The following BAG3 variants were observed in gnomAD, a reference collection of about 807,000 sequenced individuals.
BAG3 encodes the protein BAG cochaperone 3.
BAG3 carries 14 observed loss-of-function variants against 40.5 expected under a neutral mutation model. That is an observed-to-expected ratio of 0.35 (90% CI 0.23 to 0.54). BAG3 has a LOEUF of 0.54. BAG3 is among the 20% of genes least tolerant of loss of function. The pLI is 0.91. For synonymous variants in BAG3, 302 were observed against 307.8 expected (o/e 0.98, Z 0.20); for missense variants, 788 against 758.6 (o/e 1.04, Z -0.46).
At position 119,672,928 on chromosome 10, in the gene BAG3, C is replaced by T. The variant is rs2072361; in HGVS notation, c.909+272C>T. Among the ~76,000 whole-genome samples the T allele has an allele frequency of 6.6e-6, 1 of 152,010 alleles. No homozygotes were observed. The highest frequency in any genetic ancestry group is 1.5e-5 in the Non-Finnish European group (1 of 68,002). On this transcript the variant is annotated intron_variant, in intron 3 of 3. Coordinates refer to ENST00000369085, the MANE Select transcript of BAG3 (RefSeq NM_004281.4). This position sits in a 1 kb window ranked among gnomAD's most constrained non-coding sequence, Gnocchi z 4.8. ...AGACGAAACAGCTTGGCAGAACTTA[C>T]ATACCTGGGACCAGCTTCCTTAGTG... is the stretch of plus-strand genomic sequence containing the variant.
chr10:119,674,604 C>A (rs917640657), intron 3 of BAG3, among the ~76,000 whole-genome samples: 1 of 152,098 alleles, frequency 6.6e-6, no homozygotes, highest in African/African-American at 2.4e-5. Context: ...CCAGTTATTT[C>A]CCAGTTGATG....
intron 1 of BAG3, among the ~76,000 whole-genome samples, chr10:119,669,415 G>A (rs1847109746): frequency 6.6e-6 from 1 of 152,126 alleles, no homozygotes; most frequent in Non-Finnish European, 1.5e-5. Flanking sequence ...CTATATTGCT[G>A]GGAAATGTGA....
rs755551045 is a variant in BAG3, at chr10:119,676,528, C to A, written c.974C>A (p.Pro325Gln). 6.2e-7 allele frequency: 1 copy of A among 1,614,014 alleles called. No individual in the cohort carries two copies. Among genetic ancestry groups the A allele is most frequent in the South Asian group, 1.1e-5 (1 of 91,068 alleles). ...CCTGAAAACAAACCAGAAAGTAAGC[C>A]AGGCCCAGTTGGACCAGAACTCCCT... is the stretch of plus-strand genomic sequence containing the variant. ...SQPENKPESK[P>Q]GPVGPELPPG... Residue 325 changes from proline to glutamine, a missense_variant, in exon 4 of 4, where the codon CCA becomes CAA. By Grantham distance (76) the Pro-to-Gln change is moderately conservative. Coordinates refer to ENST00000369085, the MANE Select transcript of BAG3 (RefSeq NM_004281.4).
chr10:119,672,133 A>G lies in BAG3; in HGVS notation c.508-122A>G, dbSNP rs1847157720. On this transcript the variant is annotated intron_variant, in intron 2 of 3. Transcript: ENST00000369085. This position sits in a 1 kb window ranked among gnomAD's most constrained non-coding sequence, Gnocchi z 4.8. ...CCGCACATTTTGAAAATTGAAAATT[A>G]CAGATAGGAGGTCTTACAATATGGA... is the stretch of plus-strand genomic sequence containing the variant. The G allele has an allele frequency of 5.9e-6, 8 of 1,351,904 alleles. No homozygotes were observed. In the East Asian group the frequency reaches 1.8e-4, roughly 31 times the overall value. 83.7% of individuals were successfully genotyped at this position (1,351,904 alleles called of 1,614,324 possible).
chr10:119,672,763 T>TG lies in BAG3; in HGVS notation c.909+108dup, dbSNP rs1589630524. ...CCCCTTCATCCCTGCCTATTTAACA[T>TG]GCGTGTACCTACAGGCAAGTGAGAT... On this transcript the variant is annotated intron_variant, in intron 3 of 3. Transcript: ENST00000369085. This position sits in a 1 kb window ranked among gnomAD's most constrained non-coding sequence, Gnocchi z 4.8. The TG allele has an allele frequency of 7.5e-6, 11 of 1,475,486 alleles. No individual in the cohort carries two copies. The highest frequency in any genetic ancestry group is 1.0e-5 in the Non-Finnish European group (11 of 1,076,220). 91.4% of individuals were successfully genotyped at this position (1,475,486 alleles called of 1,614,324 possible). A position where few individuals can be genotyped will look rare whatever the true frequency, so the allele number is the denominator to read the frequency against.
chr10:119,675,804 C>CCCCCCTTCCCTGCTTCCTTCCCCCTT (rs1192355051), intron 3 of BAG3, among the ~76,000 whole-genome samples: 1 of 46,434 alleles, frequency 2.2e-5, no homozygotes, highest in Non-Finnish European at 4.6e-5. Flanking sequence ...CCTTCCCCTT[C>CCCCCCTTCCCTGCTTCCTTCCCCCTT]CCCCCTTCCC....
chr10:119,675,813 CCTGCTTCCT>C (rs1847216365), intron 3 of BAG3, among the ~76,000 whole-genome samples: 1 of 64,514 alleles, frequency 1.6e-5, no homozygotes, highest in Non-Finnish European at 3.1e-5. Context: ...TCCCCCCTTC[CCTGCTTCCT>C]TCCCCCTTCC....
chr10:119,653,873 G>A lies in BAG3; in HGVS notation c.180+2018G>A, dbSNP rs558519760. On this transcript the variant is annotated intron_variant, in intron 1 of 3. Coordinates refer to ENST00000369085, the MANE Select transcript of BAG3 (RefSeq NM_004281.4). ...GAAGTGAGTGTTTTGGGAAACTGAGGCATGCAGGCTAGAATACTTGATTAT... is the reference window on the plus strand; with the variant it reads ...GAAGTGAGTGTTTTGGGAAACTGAGACATGCAGGCTAGAATACTTGATTAT... 4.9e-4 allele frequency among the ~76,000 whole-genome samples: 74 copies of A among 152,290 alleles called. 2 individuals carry two copies. In the South Asian group the frequency reaches 0.012, roughly 24 times the overall value.
In BAG3 at chr10:119,651,771, G is replaced by T. The variant is rs372083121; in HGVS notation, c.96G>T (p.Pro32=). The change falls in exon 1 of 4, where the codon CCG becomes CCT. Residue 32 remains proline (P), a synonymous_variant. Coordinates refer to ENST00000369085, the MANE Select transcript of BAG3 (RefSeq NM_004281.4). ...LPPGWEIKID[P]QTGWPFFVDH... ...CCGGATGGGAGATCAAGATCGACCC[G>T]CAGACCGGCTGGCCCTTCTTCGTGG... 288 of 1,600,214 alleles carry T rather than the reference G, an allele frequency of 1.8e-4. No individual in the cohort carries two copies. Among genetic ancestry groups the T allele is most frequent in the Non-Finnish European group, 1.6e-4 (192 of 1,173,940 alleles).
At chr10:119,652,350 C>G (rs1255642204) in intron 1 of BAG3, among the ~76,000 whole-genome samples, 1 of 152,224 alleles carries the variant, frequency 6.6e-6, no homozygotes, top group Non-Finnish European at 1.5e-5. Context: ...GGAATTTTAC[C>G]GCTCAAGTTC....
chr10:119,654,423 A>G (rs994964310), intron 1 of BAG3, among the ~76,000 whole-genome samples: 1 of 152,242 alleles, frequency 6.6e-6, no homozygotes, highest in Non-Finnish European at 1.5e-5. Context: ...CACGTTAGTA[A>G]GAAAATGGAA....
At position 119,669,590 on chromosome 10, in the gene BAG3, G is replaced by T. The variant is rs369534065; in HGVS notation, c.181-261G>T. Among the ~76,000 whole-genome samples the T allele has an allele frequency of 1.4e-4, 21 of 152,326 alleles. No individual in the cohort carries two copies. In the East Asian group the frequency reaches 3.1e-3, roughly 22 times the overall value. ...CCCAGAAAAGAAACCTGTCTTACCA[G>T]TTTGGAGAATTGGGACCTTTCCTTT... On this transcript the variant is annotated intron_variant, in intron 1 of 3. Coordinates refer to ENST00000369085, the MANE Select transcript of BAG3 (RefSeq NM_004281.4).
At chr10:119,665,130 A>ATGTGTGTG (rs1847044642) in intron 1 of BAG3, among the ~76,000 whole-genome samples, 1 of 54,406 alleles carries the variant, frequency 1.8e-5, no homozygotes, top group African/African-American at 7.2e-5. Context: ...GTGTGTGTAT[A>ATGTGTGTG]TATATATATA....
In BAG3 at chr10:119,672,574, G is replaced by A. The variant is rs372970842; in HGVS notation, c.827G>A (p.Arg276Gln). The A allele has an allele frequency of 4.3e-5, 69 of 1,613,958 alleles. 1 individual carries two copies. The highest frequency in any genetic ancestry group is 1.7e-4 in the Admixed American group (10 of 60,006). The change falls in exon 3 of 4, where the codon CGG becomes CAG. Residue 276 changes from arginine (R) to glutamine (Q), a missense_variant. Arg to Gln is a conservative substitution (Grantham distance 43). Transcript: ENST00000369085. This position sits in a 1 kb window ranked among gnomAD's most constrained non-coding sequence, Gnocchi z 4.8. Reference sequence around the variant, plus strand: ...TCATCTGTCCAGGGTGCATCGAGCCGGGAGGGCTCACCAGCCAGGAGCAGC... The same window carrying A: ...TCATCTGTCCAGGGTGCATCGAGCCAGGAGGGCTCACCAGCCAGGAGCAGC... ...FRSSVQGASS[R>Q]EGSPARSSTP...
At chr10:119,656,808 C>T (rs1439052100) in intron 1 of BAG3, 1 of 151,860 alleles carries the variant, frequency 6.6e-6, no homozygotes, top group Non-Finnish European at 1.5e-5. Flanking sequence ...TATATATGTG[C>T]CAGATATGAG....
intron 1 of BAG3, among the ~76,000 whole-genome samples, chr10:119,666,449 C>T (rs1192728330): frequency 1.3e-5 from 2 of 152,264 alleles, no homozygotes; most frequent in African/African-American, 4.8e-5. Context: ...AGCAAGCAGT[C>T]TCTGCTGTCA....
In BAG3 at chr10:119,676,583, C is replaced by T. The variant is rs117972572; in HGVS notation, c.1029C>T (p.Arg343=). The change falls in exon 4 of 4, where the codon CGC becomes CGT. Residue 343 remains arginine (R), a synonymous_variant. Coordinates refer to ENST00000369085, the MANE Select transcript of BAG3 (RefSeq NM_004281.4). ...PPGHIPIQVI[R]KEVDSKPVSQ... is the part of the protein sequence containing the mutation. Reference sequence around the variant, plus strand: ...GACACATCCCAATTCAAGTGATCCGCAAAGAGGTGGATTCTAAACCTGTTT... The same window carrying T: ...GACACATCCCAATTCAAGTGATCCGTAAAGAGGTGGATTCTAAACCTGTTT... 3 of 1,614,136 alleles carry T rather than the reference C, an allele frequency of 1.9e-6. No individual in the cohort carries two copies. Among genetic ancestry groups the T allele is most frequent in the Non-Finnish European group, 2.5e-6 (3 of 1,180,026 alleles).
chr10:119,657,858 G>T (rs1443941288), intron 1 of BAG3, among the ~76,000 whole-genome samples: 1 of 152,230 alleles, frequency 6.6e-6, no homozygotes, highest in African/African-American at 2.4e-5. Context: ...TGTGAAAAGA[G>T]TCTCTTAAAA....
At chr10:119,671,707 A>AT (rs1387816679) in intron 2 of BAG3, among the ~76,000 whole-genome samples, 2 of 152,172 alleles carry the variant, frequency 1.3e-5, no homozygotes, top group East Asian at 3.9e-4. Context: ...AAATGATTGA[A>AT]TTACTAGGAA....
Sources: gnomAD v4.1 joint callset for allele counts (sites outside exome capture counted in the v4.1 genomes callset) on GRCh38, gnomAD v4.1.1 for gene constraint, Gnocchi (gnomAD v3.1) non-coding constraint, MANE v1.5 for transcripts, NCBI Gene and HGNC (gene_info 2026-07-23, HGNC 2026-07-21) for gene names.